The following ARHGAP10 variants were observed in gnomAD, a reference collection of about 807,000 sequenced individuals.
ARHGAP10 encodes rho GTPase-activating protein 10.
ARHGAP10 carries 87 observed loss-of-function variants against 108.6 expected under a neutral mutation model. That is an observed-to-expected ratio of 0.80 (90% CI 0.67 to 0.96). The LOEUF (loss-of-function observed/expected upper bound fraction) is 0.96. ARHGAP10 is among the 40% of genes least tolerant of loss of function. The probability of loss-of-function intolerance (pLI) is 0.00; values close to 1 mark genes in which losing one functional copy is unlikely to be tolerated. For synonymous variants in ARHGAP10, 347 were observed against 341.1 expected (o/e 1.02, Z -0.19); for missense variants, 939 against 954.5 (o/e 0.98, Z 0.21).
intron 1 of ARHGAP10, among the ~76,000 whole-genome samples, chr4:147,785,747 G>T (rs537186208): frequency 1.5e-4 from 23 of 152,250 alleles, no homozygotes; most frequent in African/African-American, 5.1e-4. Context: ...TGGCCAATTA[G>T]TGTGGATTTT....
At chr4:147,763,167 C>G (rs1729657165) in intron 1 of ARHGAP10, among the ~76,000 whole-genome samples, 1 of 151,984 alleles carries the variant, frequency 6.6e-6, no homozygotes, top group Non-Finnish European at 1.5e-5. Context: ...ATACTAATGC[C>G]TTTAAGAAAA....
At chr4:147,742,583 A>T (rs1292811277) in intron 1 of ARHGAP10, among the ~76,000 whole-genome samples, 2 of 145,626 alleles carry the variant, frequency 1.4e-5, no homozygotes, top group East Asian at 4.1e-4. Flanking sequence ...TCCCGGGTTC[A>T]AGCGATTCTC....
At chr4:147,830,005 C>G (rs560913487) in intron 3 of ARHGAP10, among the ~76,000 whole-genome samples, 1 of 152,140 alleles carries the variant, frequency 6.6e-6, no homozygotes, top group Non-Finnish European at 1.5e-5. Context: ...GGAGCTGTTC[C>G]GCCTCCCTCT....
At chr4:148,058,835 C>T (rs1347185130) in intron 20 of ARHGAP10, among the ~76,000 whole-genome samples, 1 of 152,148 alleles carries the variant, frequency 6.6e-6, no homozygotes, top group African/African-American at 2.4e-5. Flanking sequence ...AGGTCTTTCC[C>T]CGAAATTCAG....
intron 1 of ARHGAP10, among the ~76,000 whole-genome samples, chr4:147,741,240 A>G (rs560099080): frequency 6.6e-6 from 1 of 152,212 alleles, no homozygotes; most frequent in African/African-American, 2.4e-5. Context: ...TTTGTTTTAT[A>G]AATTTAGGAT....
chr4:147,849,522 G>A (rs575638507), intron 4 of ARHGAP10, among the ~76,000 whole-genome samples: 19 of 152,146 alleles, frequency 1.2e-4, no homozygotes, highest in Non-Finnish European at 1.9e-4. Flanking sequence ...CAGTTTTCAC[G>A]TGGGGATTTA....
At position 148,053,431 on chromosome 4, in the gene ARHGAP10, G is replaced by T. The variant is rs144870889; in HGVS notation, c.2027+6380G>T. Among the ~76,000 whole-genome samples the T allele has an allele frequency of 3.1e-3, 473 of 152,330 alleles. 1 individual carries two copies. Among genetic ancestry groups the T allele is most frequent in the Middle Eastern group, 0.014 (4 of 294 alleles). ...AATTATCTATGGGGAATAAACACTT[G>T]AATCTGGTTGCTGCGCATTTATCAT... is the stretch of plus-strand genomic sequence containing the variant. On this transcript the variant is annotated intron_variant, in intron 20 of 22. Transcript: ENST00000336498.
At chr4:147,822,513 T>C (rs139637969) in intron 1 of ARHGAP10, among the ~76,000 whole-genome samples, 3 of 152,318 alleles carry the variant, frequency 2.0e-5, no homozygotes, top group Non-Finnish European at 4.4e-5. Flanking sequence ...TTTCAGCATC[T>C]GTTCTGTGGC....
At chr4:147,933,925 G>C (rs1024364591) in intron 13 of ARHGAP10, among the ~76,000 whole-genome samples, 3 of 152,148 alleles carry the variant, frequency 2.0e-5, no homozygotes, top group African/African-American at 4.8e-5. Context: ...CGGGAGCTGA[G>C]CCTGGGTCCC....
At chr4:147,970,004 T>G (rs1307174595) in intron 18 of ARHGAP10, among the ~76,000 whole-genome samples, 3 of 152,076 alleles carry the variant, frequency 2.0e-5, no homozygotes, top group African/African-American at 7.2e-5. Context: ...GGGTTGGAGA[T>G]GGGGGATGTC....
At chr4:147,836,935 T>C (rs1733192509) in intron 3 of ARHGAP10, among the ~76,000 whole-genome samples, 1 of 152,194 alleles carries the variant, frequency 6.6e-6, no homozygotes, top group Non-Finnish European at 1.5e-5. Flanking sequence ...TTTTCTGTCA[T>C]CTAAAAATAG....
intron 18 of ARHGAP10, among the ~76,000 whole-genome samples, chr4:147,977,805 C>G (rs994046382): frequency 1.3e-5 from 2 of 152,078 alleles, no homozygotes; most frequent in African/African-American, 4.8e-5. Context: ...TTCTCTCTCT[C>G]TCCCCCTCCC....
At chr4:147,936,236 G>A (rs145242661) in intron 13 of ARHGAP10, among the ~76,000 whole-genome samples, 3 of 151,696 alleles carry the variant, frequency 2.0e-5, no homozygotes, top group East Asian at 1.9e-4. Context: ...GGCTCAAAAG[G>A]TCTCTGATTT....
At chr4:148,025,779 G>T (rs181118272) in intron 19 of ARHGAP10, among the ~76,000 whole-genome samples, 9 of 152,056 alleles carry the variant, frequency 5.9e-5, no homozygotes, top group Admixed American at 5.9e-4. Flanking sequence ...TTGTCAAAAC[G>T]ACTTGAAGGT....
intron 9 of ARHGAP10, among the ~76,000 whole-genome samples, 157 bp from the exon 10 acceptor site, chr4:147,881,681 C>G (rs1735333335): frequency 6.6e-6 from 1 of 152,112 alleles, no homozygotes; most frequent in Non-Finnish European, 1.5e-5. Context: ...ATTTTAGATT[C>G]TAAATAGCAT....
intron 11 of ARHGAP10, among the ~76,000 whole-genome samples, chr4:147,908,253 T>C (rs1736582187): frequency 6.6e-6 from 1 of 152,216 alleles, no homozygotes; most frequent in African/African-American, 2.4e-5. Context: ...TAGTCTTCTT[T>C]AGTAAAGACA....
intron 1 of ARHGAP10, among the ~76,000 whole-genome samples, chr4:147,746,362 A>G (rs753953067): frequency 7.4e-5 from 11 of 149,298 alleles, no homozygotes; most frequent in Non-Finnish European, 1.2e-4. Context: ...TTGGCCTCCC[A>G]AAGTGCTGGA....
chr4:148,069,597 T>C (rs1293596508), intron 22 of ARHGAP10, among the ~76,000 whole-genome samples: 3 of 152,152 alleles, frequency 2.0e-5, no homozygotes, highest in Admixed American at 1.3e-4. Context: ...GTGTGTGGTG[T>C]GTATAGGGTA....
At chr4:147,951,440 A>G (rs898525515) in intron 15 of ARHGAP10, among the ~76,000 whole-genome samples, 10 of 149,594 alleles carry the variant, frequency 6.7e-5, no homozygotes, top group Non-Finnish European at 1.5e-5. Context: ...TGAAATGGGA[A>G]TGTAGGGGGA....
Sources: gnomAD v4.1 joint callset for allele counts (sites outside exome capture counted in the v4.1 genomes callset) on GRCh38, gnomAD v4.1.1 for gene constraint, MANE v1.5 for transcripts, NCBI Gene and HGNC (gene_info 2026-07-23, HGNC 2026-07-21) for gene names.